Variants in GYS2 observed in about 807,000 individuals in gnomAD.
GYS2 encodes glycogen [starch] synthase, liver.
In GYS2, 80 loss-of-function variants were observed where a neutral mutation model predicts 85.6. The observed-to-expected ratio is 0.93, with a 90% CI of 0.78 to 1.13. GYS2 has a LOEUF of 1.13. Among genes scored for constraint, GYS2 ranks in the 50% most tolerant of loss-of-function variants. GYS2 has a pLI of 0.00. For missense variants in GYS2, 881 were observed against 854.9 expected, an observed-to-expected ratio of 1.03 and a Z score of -0.38; for synonymous variants, 328 against 300.7, an observed-to-expected ratio of 1.09 and a Z score of -0.94.
At chr12:21,592,674 C>T (rs1284526720) in intron 1 of GYS2, among the ~76,000 whole-genome samples, 4 of 151,902 alleles carry the variant, frequency 2.6e-5, no homozygotes, top group Non-Finnish European at 5.9e-5. Flanking sequence ...AAATAGAATC[C>T]AATACAATAA....
chr12:21,548,116 C>G (rs1039328310), intron 11 of GYS2, among the ~76,000 whole-genome samples: 1 of 152,040 alleles, frequency 6.6e-6, no homozygotes, highest in Middle Eastern at 3.4e-3. Flanking sequence ...GTAGAAGGAG[C>G]GGAAATAACA....
intron 11 of GYS2, among the ~76,000 whole-genome samples, chr12:21,554,698 C>T (rs759012205): frequency 2.6e-5 from 4 of 152,152 alleles, no homozygotes; most frequent in Middle Eastern, 3.4e-3. Flanking sequence ...AAGGAAATAA[C>T]GACTTTTAGG....
At chr12:21,548,329 C>T (rs1209985443) in intron 11 of GYS2, among the ~76,000 whole-genome samples, 2 of 152,136 alleles carry the variant, frequency 1.3e-5, no homozygotes, top group African/African-American at 4.8e-5. Context: ...CTCCCACTAC[C>T]ACCAAGGCCA....
At chr12:21,578,498 C>T (rs1453534887) in intron 2 of GYS2, among the ~76,000 whole-genome samples, 1 of 152,164 alleles carries the variant, frequency 6.6e-6, no homozygotes. Context: ...ATTTGTGCCA[C>T]TATAAAGTCA....
At chr12:21,571,263 T>C (rs956882546) in intron 4 of GYS2, among the ~76,000 whole-genome samples, 19 of 152,196 alleles carry the variant, frequency 1.2e-4, no homozygotes, top group South Asian at 2.1e-4. Context: ...GCCACTCCTG[T>C]GGCTTTACAG....
intron 4 of GYS2, among the ~76,000 whole-genome samples, chr12:21,570,628 C>A (rs1212121247): frequency 6.6e-6 from 1 of 152,190 alleles, no homozygotes; most frequent in Non-Finnish European, 1.5e-5. Context: ...ATGCTAGCTG[C>A]CCTAAAGAAC....
intron 15 of GYS2, chr12:21,537,433 A>G (rs563641966): frequency 1.2e-4 from 56 of 483,416 alleles, no homozygotes; most frequent in African/African-American, 9.4e-4. Flanking sequence ...TTTTAACAAC[A>G]CTCTGATAAA....
In GYS2 at chr12:21,602,806, G is replaced by A. The variant is rs193281367; in HGVS notation, c.121+1666C>T. On this transcript the variant is annotated intron_variant, in intron 1 of 15. Coordinates refer to ENST00000261195, the MANE Select transcript of GYS2 (RefSeq NM_021957.4). ...CATAAAATAACTTAGTTTCACTGGC[G>A]TGTTCCCAGTGCCCAGGTAACAGTG... 3.7e-3 allele frequency among the ~76,000 whole-genome samples: 558 copies of A among 152,102 alleles called. 4 individuals are homozygous for A. Among genetic ancestry groups the A allele is most frequent in the African/African-American group, 0.013 (535 of 41,494 alleles).
At chr12:21,557,326 A>G (rs1482307543) in intron 11 of GYS2, among the ~76,000 whole-genome samples, 4 of 152,194 alleles carry the variant, frequency 2.6e-5, no homozygotes, top group Non-Finnish European at 5.9e-5. Flanking sequence ...TAAACATCAT[A>G]TAGTTTAAGG....
At position 21,536,732 on chromosome 12, in the gene GYS2, C is replaced by T. The variant is rs982682230; in HGVS notation, c.*222G>A. The T allele has an allele frequency of 3.5e-5, 20 of 576,678 alleles. No homozygotes were observed. The highest frequency in any genetic ancestry group is 3.0e-4 in the African/African-American group (16 of 53,400). The allele number at this position is 576,678 out of a possible 1,614,324, so 35.7% of individuals were successfully genotyped here. On this transcript the variant is annotated 3_prime_UTR_variant, in exon 16 of 16. Coordinates refer to ENST00000261195, the MANE Select transcript of GYS2 (RefSeq NM_021957.4). ...TCTGCCTTTAATGAGTGCTCCTCCT[C>T]ATGCCTAACTTTATGGGGGAAACAA... is the stretch of plus-strand genomic sequence containing the variant.
At chr12:21,555,589 G>A (rs1247336048) in intron 11 of GYS2, among the ~76,000 whole-genome samples, 1 of 152,094 alleles carries the variant, frequency 6.6e-6, no homozygotes, top group East Asian at 1.9e-4. Context: ...TCCTCCCTTA[G>A]GAAACTGATC....
rs141614479 is a variant in GYS2 at position 21,604,576 on chromosome 12, G to C, written c.17C>G (p.Ser6Cys). The C allele has an allele frequency of 2.5e-6, 4 of 1,612,236 alleles. No homozygotes were observed. The highest frequency in any genetic ancestry group is 1.7e-5 in the Admixed American group (1 of 59,902). The change falls in exon 1 of 16, where the codon TCC becomes TGC. Residue 6 changes from serine (S) to cysteine (C), a missense_variant. Physicochemically the swap from Ser to Cys is moderately radical, Grantham distance 112. Coordinates refer to ENST00000261195, the MANE Select transcript of GYS2 (RefSeq NM_021957.4). MLRGR[S>C]LSVTSLGGLP... ...CCCACCCAGGGATGTTACAGAGAGG[G>C]ATCGGCCTCGAAGCATTCTTCTTAC...
intron 4 of GYS2, among the ~76,000 whole-genome samples, chr12:21,571,520 A>G (rs1170777400): frequency 6.6e-6 from 1 of 152,240 alleles, no homozygotes; most frequent in African/African-American, 2.4e-5. Flanking sequence ...ACACATGTGG[A>G]TAACCCTGTA....
At chr12:21,563,448 A>G in intron 5 of GYS2, 103 bp from the exon 6 acceptor site, 1 of 706,718 alleles carries the variant, frequency 1.4e-6, no homozygotes, top group South Asian at 1.6e-5. Flanking sequence ...GTTTATTGAC[A>G]TTCTACTTTC....
At chr12:21,547,561 T>G (rs7962754) in intron 11 of GYS2, among the ~76,000 whole-genome samples, 105,060 of 152,106 alleles carry the variant, frequency 0.69, 37,882 homozygotes, top group South Asian at 0.8. Flanking sequence ...GTGACAATCT[T>G]GAAAAAGTTA....
chr12:21,541,712 TTTTAG>T (rs1160191183), intron 13 of GYS2, among the ~76,000 whole-genome samples: 1 of 152,136 alleles, frequency 6.6e-6, no homozygotes, highest in Non-Finnish European at 1.5e-5. Context: ...TTTTCTCCAC[TTTTAG>T]TTTAGGTTCA....
intron 2 of GYS2, among the ~76,000 whole-genome samples, chr12:21,576,806 T>TA (rs1944452241): frequency 1.3e-5 from 2 of 152,184 alleles, no homozygotes; most frequent in African/African-American, 4.8e-5. Context: ...GTCTCCATAT[T>TA]TCTATAGTAA....
At position 21,604,344 on chromosome 12, in the gene GYS2, TC is replaced by T. The variant is rs1421774360; in HGVS notation, c.121+127del. ...GGTTAAATGTAGCCTAAATATATAT[TC>T]CGTTTAAATGCTTTCCTCACTCACT... On this transcript the variant is annotated intron_variant, in intron 1 of 15. Coordinates refer to ENST00000261195, the MANE Select transcript of GYS2 (RefSeq NM_021957.4). The T allele has an allele frequency of 1.2e-4, 93 of 749,706 alleles. No individual in the cohort carries two copies. In the Middle Eastern group the frequency reaches 1.9e-3, roughly 15 times the overall value. The allele number at this position is 749,706 out of a possible 1,614,324, so 46.4% of individuals were successfully genotyped here.
chr12:21,586,245 T>C (rs976289816), intron 1 of GYS2, among the ~76,000 whole-genome samples: 1 of 152,152 alleles, frequency 6.6e-6, no homozygotes, highest in Non-Finnish European at 1.5e-5. Flanking sequence ...CCTCCAAGCC[T>C]ACATCTTTCT....
Sources: gnomAD v4.1 joint callset for allele counts (sites outside exome capture counted in the v4.1 genomes callset) on GRCh38, gnomAD v4.1.1 for gene constraint, MANE v1.5 for transcripts, NCBI Gene and HGNC (gene_info 2026-07-23, HGNC 2026-07-21) for gene names.